Variants in DACT2 observed in about 807,000 individuals in gnomAD.
DACT2 encodes the protein dapper homolog 2.
Under a neutral mutation model 22.2 loss-of-function variants are expected in DACT2, and 20 were observed. The observed-to-expected ratio is 0.90, with a 90% CI of 0.63 to 1.31. The LOEUF is 1.31. Among genes scored for constraint, DACT2 ranks in the 50% most tolerant of loss-of-function variants. The pLI is 0.00. For synonymous variants in DACT2, 463 were observed against 479.8 expected, an observed-to-expected ratio of 0.96 and a Z score of 0.46; for missense variants, 1,048 against 1,061.4, an observed-to-expected ratio of 0.99 and a Z score of 0.18.
downstream of DACT2, among the ~76,000 whole-genome samples, chr6:168,304,912 C>A (rs1413273253): frequency 6.6e-6 from 1 of 152,194 alleles, no homozygotes; most frequent in Non-Finnish European, 1.5e-5. Flanking sequence ...CCTCCGAGGA[C>A]CCCCATGGAA....
At chr6:168,303,688 G>A (rs954564684), downstream of DACT2, among the ~76,000 whole-genome samples, 2 of 152,146 alleles carry the variant, frequency 1.3e-5, no homozygotes, top group Admixed American at 6.5e-5. Flanking sequence ...ACCAAGACAG[G>A]CTTTAATTAT....
intron 1 of DACT2, among the ~76,000 whole-genome samples, chr6:168,318,423 G>T (rs1302632340): frequency 2.6e-5 from 4 of 152,232 alleles, no homozygotes; most frequent in Non-Finnish European, 5.9e-5. Flanking sequence ...GGCTGAGCGA[G>T]CGAGGCAGAC....
rs796883484 is a variant in DACT2 at position 168,307,904 on chromosome 6, C to T, written c.1853G>A (p.Arg618Gln). Reference sequence around the variant, plus strand: ...CTCAGGACAGCTGGCCAGGCGGGCCCGGGCCGAGATCTCCACGGTGGACTG... The same window carrying T: ...CTCAGGACAGCTGGCCAGGCGGGCCTGGGCCGAGATCTCCACGGTGGACTG... The part of the protein sequence containing the change: ...RWQSTVEISA[R>Q]ARLASCPESN... Residue 618 changes from arginine to glutamine, a missense_variant, in exon 4 of 4, where the codon CGG becomes CAG. Transcript: ENST00000366795. This position sits in a 1 kb window ranked among gnomAD's most constrained non-coding sequence, Gnocchi z 5.3. 44 of 1,376,096 alleles carry T rather than the reference C, an allele frequency of 3.2e-5. No homozygotes were observed. In the Admixed American group the frequency reaches 4.8e-4, roughly 15 times the overall value. The allele number at this position is 1,376,096 out of a possible 1,614,324, so 85.2% of individuals were successfully genotyped here.
rs1441818728 is a variant in DACT2 at position 168,319,503 on chromosome 6, C to G, written c.131G>C (p.Arg44Pro). The G allele has an allele frequency of 7.8e-5, 102 of 1,311,278 alleles. 1 individual carries two copies. The highest frequency in any genetic ancestry group is 4.6e-4 in the Admixed American group (16 of 34,606). The allele number at this position is 1,311,278 out of a possible 1,614,324, so 81.2% of individuals were successfully genotyped here. The change falls in exon 1 of 4, where the codon CGG becomes CCG. Residue 44 changes from arginine to proline, a missense_variant. Transcript: ENST00000366795. ...GLRATQQERVRGALALQPPPA... is the reference protein window; with the variant it reads ...GLRATQQERVPGALALQPPPA... The stretch of plus-strand genomic sequence containing the variant: ...CGGGGGCTGCAGGGCCAGGGCGCCC[C>G]GTACCCGCTCCTGCTGCGTGGCTCG...
chr6:168,298,959 G>T (rs1335285543), intron 3 of DACT2: 1 of 152,096 alleles, frequency 6.6e-6, no homozygotes, highest in East Asian at 1.9e-4. Flanking sequence ...GAAGTACTTT[G>T]TAAATACTAA....
intron 4 of DACT2, chr6:168,294,577 G>GTGTGTGTGTGTA: frequency 8.3e-6 from 1 of 120,872 alleles, no homozygotes; most frequent in Non-Finnish European, 1.3e-5. Flanking sequence ...GTGTGTGTGT[G>GTGTGTGTGTGTA]TATATATATA....
chr6:168,301,600 G>A (rs192267247), intron 3 of DACT2, among the ~76,000 whole-genome samples: 44 of 152,226 alleles, frequency 2.9e-4, no homozygotes, highest in Non-Finnish European at 5.9e-4. Context: ...GCTTCCACTC[G>A]GGACCAACCA....
At chr6:168,305,244 C>G (rs373508238), downstream of DACT2, among the ~76,000 whole-genome samples, 140 of 152,310 alleles carry the variant, frequency 9.2e-4, 2 homozygotes, top group South Asian at 0.021. Context: ...TTCTCCTGGT[C>G]AGCTTGCAGG....
intron 3 of DACT2, among the ~76,000 whole-genome samples, chr6:168,301,125 T>G (rs1224235124): frequency 1.3e-5 from 2 of 152,242 alleles, no homozygotes; most frequent in Non-Finnish European, 2.9e-5. Context: ...CTGTCGCCTG[T>G]GACAGCGGCC....
chr6:168,296,387 G>A (rs555395440), intron 3 of DACT2, among the ~76,000 whole-genome samples: 8 of 149,212 alleles, frequency 5.4e-5, no homozygotes, highest in East Asian at 2.0e-4. Context: ...CATCCACAGC[G>A]GTGAGGAGAT....
chr6:168,303,805 C>T (rs955579318), downstream of DACT2, among the ~76,000 whole-genome samples: 8 of 152,114 alleles, frequency 5.3e-5, no homozygotes, highest in Non-Finnish European at 7.3e-5. Context: ...TCAATGATAA[C>T]GTATGATTTG....
chr6:168,304,465 C>A (rs530239251), downstream of DACT2, among the ~76,000 whole-genome samples: 1 of 152,316 alleles, frequency 6.6e-6, no homozygotes, highest in South Asian at 2.1e-4. Context: ...TTATGACTGG[C>A]GTTCTAATTG....
intron 3 of DACT2, among the ~76,000 whole-genome samples, chr6:168,295,775 G>A (rs1489928519): frequency 1.3e-5 from 2 of 152,216 alleles, no homozygotes; most frequent in African/African-American, 4.8e-5. Flanking sequence ...GGCCAAGACA[G>A]CATGGAAGAA....
intron 3 of DACT2, among the ~76,000 whole-genome samples, chr6:168,296,565 G>T (rs1779012991): frequency 6.7e-6 from 1 of 149,210 alleles, no homozygotes; most frequent in South Asian, 2.1e-4. Context: ...CAGAATCAGG[G>T]AAAGAGTGGA....
chr6:168,293,653 T>C (rs916233038), exon 6 of DACT2: 3 of 525,842 alleles, frequency 5.7e-6, no homozygotes, highest in Admixed American at 3.2e-5. Flanking sequence ...GAAACCATTC[T>C]CTCTTACGTC....
At chr6:168,306,805 G>A, downstream of DACT2, 1 of 849,440 alleles carries the variant, frequency 1.2e-6, no homozygotes, top group Non-Finnish European at 1.4e-6. Flanking sequence ...CTTATAAGAT[G>A]CCTTCCCCGC....
chr6:168,309,244 C>T (rs1241301503), intron 3 of DACT2, 146 bp from the exon 4 acceptor site: 4 of 1,317,936 alleles, frequency 3.0e-6, no homozygotes, highest in East Asian at 5.1e-5. Context: ...GACGGCGACT[C>T]ACAGTCACTG....
In DACT2 at chr6:168,307,928, T is replaced by C; in HGVS notation, c.1829A>G (p.Gln610Arg). The change falls in exon 4 of 4, where the codon CAG (glutamine) becomes CGG (arginine). Residue 610 changes from glutamine (Q) to arginine (R), a missense_variant. Transcript: ENST00000366795. The surrounding 1 kb of genome is among the most constrained non-coding windows in gnomAD (Gnocchi z 5.3). Reference sequence around the variant, plus strand: ...CCGGGCCGAGATCTCCACGGTGGACTGCCAGCGGCGATGCTTCCTCCTGGC... The same window carrying C: ...CCGGGCCGAGATCTCCACGGTGGACCGCCAGCGGCGATGCTTCCTCCTGGC... The part of the protein sequence containing the change: ...SVARRKHRRW[Q>R]STVEISARAR... The C allele has an allele frequency of 6.5e-7, 1 of 1,547,172 alleles. No homozygotes were observed. The highest frequency in any genetic ancestry group is 8.7e-7 in the Non-Finnish European group (1 of 1,146,806).
intron 1 of DACT2, 77 bp from the exon 2 acceptor site, chr6:168,311,361 T>C (rs1779393383): frequency 7.0e-7 from 1 of 1,430,440 alleles, no homozygotes; most frequent in East Asian, 2.7e-5. Flanking sequence ...GGTGAAAACA[T>C]GCATTGTGAA....
Sources: allele counts gnomAD v4.1 joint callset (sites outside exome capture counted in the v4.1 genomes callset), GRCh38; gene constraint gnomAD v4.1.1; non-coding constraint Gnocchi (gnomAD v3.1); transcripts MANE v1.5; gene names NCBI Gene and HGNC (gene_info 2026-07-23, HGNC 2026-07-21).